USP3: variants seen among roughly 807,000 people sequenced by gnomAD.
USP3 encodes ubiquitin specific peptidase 3.
Under a neutral mutation model 72.3 loss-of-function variants are expected in USP3, and 20 were observed. The observed-to-expected ratio is 0.28, with a 90% confidence interval of 0.19 to 0.40. The LOEUF (loss-of-function observed/expected upper bound fraction) is 0.40, where lower values mean the gene tolerates loss of function less well. USP3 is among the 10% of genes least tolerant of loss of function. The probability of loss-of-function intolerance (pLI) is 1.00; values close to 1 mark genes in which losing one functional copy is unlikely to be tolerated. For synonymous variants in USP3, 222 were observed against 225.3 expected (o/e 0.99, Z 0.13); for missense variants, 479 against 633.9 (o/e 0.76, Z 2.62).
intron 14 of USP3, among the ~76,000 whole-genome samples, chr15:63,589,516 C>T (rs2152685167): frequency 1.3e-5 from 2 of 152,232 alleles, no homozygotes; most frequent in East Asian, 3.9e-4. Context: ...GTTGAAAATC[C>T]TTTTCCCGCA....
chr15:63,588,068 G>A lies in USP3; in HGVS notation c.1097-237G>A, dbSNP rs1052562312. 2 of 356,432 alleles carry A rather than the reference G, an allele frequency of 5.6e-6. No individual in the cohort carries two copies. Among genetic ancestry groups the A allele is most frequent in the Non-Finnish European group, 1.0e-5 (2 of 197,864 alleles). The allele number at this position is 356,432 out of a possible 1,614,324, so 22.1% of individuals were successfully genotyped here. A position where few individuals can be genotyped will look rare whatever the true frequency, so the allele number is the denominator to read the frequency against. ...CATTAATAGTAAAACCAACACAATT[G>A]ATCATCACCAGATGTCAGGCATGAT... On this transcript the variant is annotated intron_variant, in intron 11 of 14. Coordinates refer to ENST00000380324, the MANE Select transcript of USP3 (RefSeq NM_006537.4). The surrounding 1 kb of genome is among the most constrained non-coding windows in gnomAD (Gnocchi z 4.6).
chr15:63,517,359 GT>G (rs1010763440), intron 1 of USP3, among the ~76,000 whole-genome samples: 20 of 152,070 alleles, frequency 1.3e-4, no homozygotes, highest in African/African-American at 4.1e-4. Context: ...CACTCCAGCA[GT>G]TCAGAGTATG....
chr15:63,527,753 G>C (rs566657969), intron 1 of USP3: 7 of 152,182 alleles, frequency 4.6e-5, no homozygotes, highest in Admixed American at 6.5e-5. Context: ...TTTCTGCTCC[G>C]GTCTCTCTTG....
chr15:63,531,573 C>A (rs1043391894), intron 1 of USP3, among the ~76,000 whole-genome samples: 1 of 152,058 alleles, frequency 6.6e-6, no homozygotes, highest in Non-Finnish European at 1.5e-5. Flanking sequence ...CACCTTATTT[C>A]CAGTTTCGGT....
chr15:63,536,877 AAGTATTC>A (rs1339929194), intron 2 of USP3, 141 bp from the exon 3 acceptor site: 4 of 853,016 alleles, frequency 4.7e-6, no homozygotes, highest in Non-Finnish European at 7.0e-6. Context: ...AGCATATTTT[AAGTATTC>A]AGTATAATAA....
At position 63,529,751 on chromosome 15, in the gene USP3, A is replaced by C. The variant is rs1365252276; in HGVS notation, c.92-2896A>C. Among the ~76,000 whole-genome samples, 2 of 152,232 alleles carry C rather than the reference A, an allele frequency of 1.3e-5. No individual in the cohort carries two copies. ...GGAAACATACCCAAAGCAAAGTCAC[A>C]GGGATTCTGCTCCAGATTTCTTTTT... On this transcript the variant is annotated intron_variant, in intron 1 of 14. Coordinates refer to ENST00000380324, the MANE Select transcript of USP3 (RefSeq NM_006537.4). The surrounding 1 kb of genome is among the most constrained non-coding windows in gnomAD (Gnocchi z 4.2).
chr15:63,552,173 G>T (rs1316367660), intron 3 of USP3, among the ~76,000 whole-genome samples: 5 of 152,176 alleles, frequency 3.3e-5, no homozygotes, highest in African/African-American at 1.2e-4. Context: ...GGACACTGAG[G>T]ATTGTTTTAT....
At chr15:63,532,356 C>A in intron 1 of USP3, 1 of 427,408 alleles carries the variant, frequency 2.3e-6, no homozygotes, top group South Asian at 2.9e-5. Flanking sequence ...GAGACTGTAG[C>A]AAAAGGGAAT....
intron 6 of USP3, 105 bp from the exon 7 acceptor site, chr15:63,559,752 C>A: frequency 2.2e-6 from 2 of 892,818 alleles, no homozygotes; most frequent in South Asian, 1.8e-5. Context: ...TTAAATGAGA[C>A]AATTGAAAAA....
chr15:63,520,298 A>C (rs1036614021), intron 1 of USP3, among the ~76,000 whole-genome samples: 1 of 152,144 alleles, frequency 6.6e-6, no homozygotes, highest in Non-Finnish European at 1.5e-5. Flanking sequence ...ACTGGTTCCC[A>C]TTATCTACAA....
intron 1 of USP3, among the ~76,000 whole-genome samples, chr15:63,512,290 CTCT>C (rs147194184): frequency 0.024 from 3,670 of 150,640 alleles, 146 homozygotes; most frequent in African/African-American, 0.083. Context: ...CCTCTTCTTC[CTCT>C]TCTTCTTCCT....
intron 8 of USP3, among the ~76,000 whole-genome samples, chr15:63,566,200 A>G (rs1488544087): frequency 1.3e-5 from 2 of 152,150 alleles, no homozygotes; most frequent in African/African-American, 2.4e-5. Context: ...AATGATGGGT[A>G]AATAATCATT....
chr15:63,545,214 A>T (rs2066302552), intron 3 of USP3, among the ~76,000 whole-genome samples: 1 of 152,216 alleles, frequency 6.6e-6, no homozygotes, highest in Non-Finnish European at 1.5e-5. Flanking sequence ...TAATTATATA[A>T]TAGAAATAAG....
At chr15:63,540,346 A>C (rs2066226097) in intron 3 of USP3, among the ~76,000 whole-genome samples, 2 of 152,238 alleles carry the variant, frequency 1.3e-5, no homozygotes, top group African/African-American at 4.8e-5. Flanking sequence ...TTATAATTTC[A>C]TGCTGCATGT....
intron 9 of USP3, among the ~76,000 whole-genome samples, chr15:63,573,713 G>A (rs923882826): frequency 6.6e-6 from 1 of 152,144 alleles, no homozygotes; most frequent in Non-Finnish European, 1.5e-5. Context: ...GGCCTAACTT[G>A]GGGAGGAAAT....
rs941072672 is a variant in USP3, at chr15:63,574,499, T to C, written c.1096+96T>C. 1.1e-6 allele frequency: 1 copy of C among 910,002 alleles called. No individual in the cohort carries two copies. Among genetic ancestry groups the C allele is most frequent in the Admixed American group, 3.4e-5 (1 of 29,604 alleles). 56.4% of individuals were successfully genotyped at this position (910,002 alleles called of 1,614,324 possible). On this transcript the variant is annotated intron_variant, in intron 11 of 14. Coordinates refer to ENST00000380324, the MANE Select transcript of USP3 (RefSeq NM_006537.4). This position sits in a 1 kb window ranked among gnomAD's most constrained non-coding sequence, Gnocchi z 4.6. Reference sequence around the variant, plus strand: ...ATGTGGTATCTTTAATTAATATCTTTAATGAATCTGTGTTGTAACTTAACA... The same window carrying C: ...ATGTGGTATCTTTAATTAATATCTTCAATGAATCTGTGTTGTAACTTAACA...
chr15:63,539,284 AC>A (rs745843917), intron 3 of USP3, among the ~76,000 whole-genome samples: 44 of 152,198 alleles, frequency 2.9e-4, no homozygotes, highest in Non-Finnish European at 5.0e-4. Flanking sequence ...ATCCTATAGT[AC>A]CAGATACTGA....
intron 1 of USP3, among the ~76,000 whole-genome samples, chr15:63,524,491 A>G (rs1170575346): frequency 6.6e-6 from 1 of 152,198 alleles, no homozygotes; most frequent in Non-Finnish European, 1.5e-5. Context: ...TTTTGCTTAT[A>G]ATTTTGTGGG....
chr15:63,581,170 A>G (rs2066951395), intron 11 of USP3, among the ~76,000 whole-genome samples: 1 of 151,992 alleles, frequency 6.6e-6, no homozygotes, highest in Non-Finnish European at 1.5e-5. Context: ...TGAAATTCAC[A>G]CTCATGCTGC....
Sources: gnomAD v4.1 joint callset for allele counts (sites outside exome capture counted in the v4.1 genomes callset) on GRCh38, gnomAD v4.1.1 for gene constraint, Gnocchi (gnomAD v3.1) non-coding constraint, MANE v1.5 for transcripts, NCBI Gene and HGNC (gene_info 2026-07-23, HGNC 2026-07-21) for gene names.